Variants in PHLPP2 observed in about 807,000 individuals in gnomAD.
The protein encoded by PHLPP2 is PH domain and leucine rich repeat protein phosphatase 2.
Under a neutral mutation model 124.9 loss-of-function variants are expected in PHLPP2, and 66 were observed. The observed-to-expected ratio is 0.53, with a 90% CI of 0.43 to 0.65. The LOEUF is 0.65. PHLPP2 is among the 30% of genes least tolerant of loss of function. The pLI, the probability that PHLPP2 is intolerant of heterozygous loss-of-function variation, is 0.00. For missense variants in PHLPP2, 1,685 were observed against 1,600.4 expected (o/e 1.05, Z -0.90); for synonymous variants, 681 against 624.7 (o/e 1.09, Z -1.34).
At chr16:71,690,842 G>C in intron 3 of PHLPP2, 133 bp from the exon 4 acceptor site, 1 of 638,568 alleles carries the variant, frequency 1.6e-6, no homozygotes, top group Non-Finnish European at 2.7e-6. Context: ...ATATAGTTAA[G>C]ACAAAATTAG....
At chr16:71,697,215 T>TAAATAAATAAATAAATAAATA (rs1555547739) in intron 3 of PHLPP2, among the ~76,000 whole-genome samples, 1 of 82,578 alleles carries the variant, frequency 1.2e-5, no homozygotes, top group East Asian at 4.8e-4. Flanking sequence ...AATAAATAAA[T>TAAATAAATAAATAAATAAATA]AAAAAGAAAC....
At chr16:71,699,421 C>T (rs2045206882) in intron 3 of PHLPP2, among the ~76,000 whole-genome samples, 1 of 152,166 alleles carries the variant, frequency 6.6e-6, no homozygotes, top group African/African-American at 2.4e-5. Context: ...AGCAGCTGGA[C>T]ATCAGGGAGA....
At chr16:71,723,367 G>GC (rs1398716361) in intron 1 of PHLPP2, 2 of 152,316 alleles carry the variant, frequency 1.3e-5, no homozygotes, top group African/African-American at 4.8e-5. Context: ...CGTACTTCCA[G>GC]CCCCGCTCCT....
At chr16:71,655,883 T>A (rs1039321394) in intron 16 of PHLPP2, among the ~76,000 whole-genome samples, 2 of 152,126 alleles carry the variant, frequency 1.3e-5, no homozygotes, top group Admixed American at 1.3e-4. Context: ...CTAGACATGA[T>A]AATTAAGCAA....
chr16:71,677,104 C>T (rs1349004742), intron 8 of PHLPP2: 3 of 70,934 alleles, frequency 4.2e-5, no homozygotes, highest in African/African-American at 1.4e-4. Flanking sequence ...TTGCAAGGTA[C>T]TATATAAATA....
At chr16:71,689,378 C>A (rs1597006239) in intron 4 of PHLPP2, among the ~76,000 whole-genome samples, 1 of 145,306 alleles carries the variant, frequency 6.9e-6, no homozygotes, top group African/African-American at 2.6e-5. Context: ...CACACCACTA[C>A]ACCTGGCTTT....
At chr16:71,695,344 T>C (rs1175653542) in intron 3 of PHLPP2, among the ~76,000 whole-genome samples, 1 of 152,142 alleles carries the variant, frequency 6.6e-6, no homozygotes, top group East Asian at 1.9e-4. Flanking sequence ...ACAAAGTAAA[T>C]GTCCATCACT....
intron 2 of PHLPP2, among the ~76,000 whole-genome samples, chr16:71,713,967 T>C (rs571806346): frequency 3.4e-5 from 5 of 148,220 alleles, no homozygotes; most frequent in Non-Finnish European, 7.4e-5. Flanking sequence ...TTTGAGACAG[T>C]GTCTTGCTGT....
chr16:71,694,796 T>A (rs2045152289), intron 3 of PHLPP2, among the ~76,000 whole-genome samples: 1 of 152,026 alleles, frequency 6.6e-6, no homozygotes. Context: ...TTTTTTTTTT[T>A]ATTTTTGAGA....
chr16:71,686,753 G>C (rs1234941892), intron 4 of PHLPP2, among the ~76,000 whole-genome samples: 1 of 149,422 alleles, frequency 6.7e-6, no homozygotes, highest in Admixed American at 6.7e-5. Flanking sequence ...CCTTGTTCTT[G>C]TATCAGCAGT....
chr16:71,658,638 AG>A lies in PHLPP2; in HGVS notation c.2148+14del. 1 of 1,612,210 alleles carries A rather than the reference AG, an allele frequency of 6.2e-7. No individual in the cohort carries two copies. Among genetic ancestry groups the A allele is most frequent in the Non-Finnish European group, 8.5e-7 (1 of 1,178,898 alleles). ...TTTCCCCCAATAAGGACATCATTCC[AG>A]CACACAGAAGTACCTGGATCTGAGG... On this transcript the variant is annotated intron_variant, in intron 14 of 18. Transcript: ENST00000568954.
At chr16:71,704,325 AC>A (rs1340788808) in intron 2 of PHLPP2, among the ~76,000 whole-genome samples, 2 of 150,698 alleles carry the variant, frequency 1.3e-5, no homozygotes, top group Non-Finnish European at 3.0e-5. Flanking sequence ...AAAAAAAAAA[AC>A]TTAATAATTA....
At chr16:71,715,776 G>A (rs1414424989) in intron 1 of PHLPP2, among the ~76,000 whole-genome samples, 2 of 146,990 alleles carry the variant, frequency 1.4e-5, no homozygotes, top group East Asian at 4.0e-4. Flanking sequence ...TCAAGAATTC[G>A]AGACCAGCTT....
chr16:71,698,607 C>G (rs571883546), intron 3 of PHLPP2: 2 of 615,324 alleles, frequency 3.3e-6, no homozygotes, highest in South Asian at 1.4e-5. Context: ...ATACAAGAAA[C>G]AGGCTGAGTA....
At chr16:71,716,155 T>C (rs867459469) in intron 1 of PHLPP2, among the ~76,000 whole-genome samples, 16 of 152,346 alleles carry the variant, frequency 1.1e-4, no homozygotes, top group Middle Eastern at 3.4e-3. Context: ...GTTCATTCAT[T>C]TGAATAATAT....
intron 1 of PHLPP2, among the ~76,000 whole-genome samples, chr16:71,717,639 G>A (rs73580232): frequency 1.3e-5 from 2 of 152,008 alleles, no homozygotes; most frequent in Non-Finnish European, 2.9e-5. Context: ...ATATTTAGTA[G>A]GTAAATACTG....
Position 71,645,537 on chromosome 16 carries a change from T to TA in PHLPP2, c.*3352dup, listed in dbSNP as rs935502661. ...TCTTCATTAATAATTATTGGATAGA[T>TA]AGAGAAGGTGAGCCTGTGGCTTCCA... is the stretch of plus-strand genomic sequence containing the variant. On this transcript the variant is annotated 3_prime_UTR_variant, in exon 19 of 19. Transcript: ENST00000568954. 1.3e-5 allele frequency: 2 copies of TA among 152,608 alleles called. No individual in the cohort carries two copies. The highest frequency in any genetic ancestry group is 4.8e-5 in the African/African-American group (2 of 41,448). The allele number at this position is 152,608 out of a possible 1,614,324, so 9.5% of individuals were successfully genotyped here. A position where few individuals can be genotyped will look rare whatever the true frequency, so the allele number is the denominator to read the frequency against.
chr16:71,711,331 CAA>C (rs1052531663), intron 2 of PHLPP2, among the ~76,000 whole-genome samples: 5 of 106,648 alleles, frequency 4.7e-5, no homozygotes, highest in Admixed American at 9.7e-5. Context: ...AACTCCGTCT[CAA>C]AAAAAAAAAA....
chr16:71,676,054 A>T (rs1375163131), intron 9 of PHLPP2, among the ~76,000 whole-genome samples: 16 of 151,840 alleles, frequency 1.1e-4, no homozygotes. Context: ...TTTTTTACCC[A>T]ACCATTAGAA....
Sources: gnomAD v4.1 joint callset for allele counts (sites outside exome capture counted in the v4.1 genomes callset) on GRCh38, gnomAD v4.1.1 for gene constraint, MANE v1.5 for transcripts, NCBI Gene and HGNC (gene_info 2026-07-23, HGNC 2026-07-21) for gene names.